Variants in KRT39 observed in about 807,000 individuals in gnomAD.
KRT39 encodes the protein keratin, type I cytoskeletal 39.
KRT39 carries 47 observed loss-of-function variants against 54.8 expected under a neutral mutation model. That is an observed-to-expected ratio of 0.86 (90% CI 0.68 to 1.09). The LOEUF (loss-of-function observed/expected upper bound fraction) is 1.09. Ranked by LOEUF, KRT39 falls within the 50% of genes least tolerant of loss-of-function variation. The pLI, the probability that KRT39 is intolerant of heterozygous loss-of-function variation, is 0.00. For synonymous variants in KRT39, 207 were observed against 227.9 expected, an observed-to-expected ratio of 0.91 and a Z score of 0.83; for missense variants, 580 against 598.5, an observed-to-expected ratio of 0.97 and a Z score of 0.32.
rs142154718 is a variant in KRT39, at chr17:40,966,600, C to T, written c.257G>A (p.Ser86Asn). 1,342 of 1,614,172 alleles carry T rather than the reference C, an allele frequency of 8.3e-4. 12 individuals carry two copies. In the African/African-American group the frequency reaches 0.016, roughly 19 times the overall value. The change falls in exon 1 of 7, where the codon AGC becomes AAC. Residue 86 changes from serine (S) to asparagine (N), a missense_variant. By Grantham distance (46) the Ser-to-Asn change is conservative. Transcript: ENST00000355612. ...FNARFSLDDC[S>N]WYGEGINSNE... ...ACTGTTGATGCCTTCACCATACCAG[C>T]TGCAGTCATCCAGAGAAAAACGGGC... is the stretch of plus-strand genomic sequence containing the variant.
chr17:40,958,870 A>AAAAC lies in KRT39; in HGVS notation c.1218-15_1218-12dup, dbSNP rs1911017568. 4 of 1,565,864 alleles carry AAAAC rather than the reference A, an allele frequency of 2.6e-6. No individual in the cohort carries two copies. Among genetic ancestry groups the AAAAC allele is most frequent in the Non-Finnish European group, 3.5e-6 (4 of 1,156,956 alleles). ...GGGTAACAGGGACGCCTAAGGAAAAAAAACACAATTTTAGCTGTGATTGAG... is the reference window on the plus strand; with the variant it reads ...GGGTAACAGGGACGCCTAAGGAAAAAAAACAAACACAATTTTAGCTGTGATTGAG... On this transcript the variant is annotated splice_polypyrimidine_tract_variant and intron_variant, in intron 6 of 6. Transcript: ENST00000355612.
Position 40,966,571 on chromosome 17 carries a change from C to T in KRT39, c.286G>A (p.Glu96Lys), listed in dbSNP as rs138920133. 1,276 of 1,614,174 alleles carry T rather than the reference C, an allele frequency of 7.9e-4. 3 individuals are homozygous for T. Among genetic ancestry groups the T allele is most frequent in the Non-Finnish European group, 9.1e-4 (1,070 of 1,180,020 alleles). The change falls in exon 1 of 7, where the codon GAG (glutamate) becomes AAG (lysine). Residue 96 changes from glutamate (E) to lysine (K), a missense_variant. By Grantham distance (56) the Glu-to-Lys change is moderately conservative. Transcript: ENST00000355612. ...TTCAAGATTTGCATGGTCTCCTTCT[C>T]ATTACTGTTGATGCCTTCACCATAC... Reference protein sequence around the residue: ...SWYGEGINSNEKETMQILNER... With the variant: ...SWYGEGINSNKKETMQILNER...
chr17:40,960,650 CA>C, intron 5 of KRT39, 149 bp from the exon 6 acceptor site: 1 of 629,228 alleles, frequency 1.6e-6, no homozygotes, highest in South Asian at 1.9e-5. Context: ...CAAATAAATC[CA>C]AAACCCAAAT....
intron 5 of KRT39, among the ~76,000 whole-genome samples, chr17:40,960,908 G>A (rs1458052091): frequency 1.3e-5 from 2 of 152,130 alleles, no homozygotes; most frequent in African/African-American, 2.4e-5. Context: ...CAGGTGGGTG[G>A]ATCACAAGGT....
In KRT39 at chr17:40,962,218, C is replaced by A. The variant is rs1911182260; in HGVS notation, c.940G>T (p.Glu314Ter). Residue 314 changes from glutamate to a stop codon, truncating the protein, a stop_gained, in exon 5 of 7, where the codon GAA becomes TAA. Coordinates refer to ENST00000355612, the MANE Select transcript of KRT39 (RefSeq NM_213656.4). LOFTEE classifies it high-confidence loss of function. ...QQQCCQKEIIELRRSVNTLEV... is the reference protein window; with the variant it reads ...QQQCCQKEII ...AGAGTGTTCACACTGCGTCTCAGTT[C>A]TATGATCTCCTTTTGGCAGCATTGC... The A allele has an allele frequency of 6.2e-7, 1 of 1,614,214 alleles. No homozygotes were observed. Among genetic ancestry groups the A allele is most frequent in the East Asian group, 2.2e-5 (1 of 44,882 alleles).
Position 40,960,831 on chromosome 17 carries a change from G to C in KRT39, c.997-330C>G, listed in dbSNP as rs1243208450. The C allele has an allele frequency of 1.4e-5, 5 of 345,274 alleles. No individual in the cohort carries two copies. The East Asian group carries it at 2.4e-4, about 17-fold the overall frequency. The allele number at this position is 345,274 out of a possible 1,614,324, so 21.4% of individuals were successfully genotyped here. The stretch of plus-strand genomic sequence containing the variant: ...AAATAATAACTTAATGCACACCCAG[G>C]CATTAAAAATGCATTACTGGCTGGG... On this transcript the variant is annotated intron_variant, in intron 5 of 6. Transcript: ENST00000355612.
intron 1 of KRT39, 28 bp from the exon 2 acceptor site, chr17:40,964,556 T>A: frequency 6.8e-7 from 1 of 1,460,954 alleles, no homozygotes; most frequent in Admixed American, 1.7e-5. Context: ...TACACACAAA[T>A]GAAGCAAACA....
At position 40,962,404 on chromosome 17, in the gene KRT39, G is replaced by A; in HGVS notation, c.868C>T (p.Gln290Ter). ...RKDVEQWFNT[Q>*]IEELNQQVVT... ...TTTGACTTTTCTATATCCCCCACCT[G>A]CGTGTTGAACCACTGTTCCACATCT... Residue 290 changes from glutamine (Q) to a stop codon, truncating the protein, a stop_gained and splice_region_variant, in exon 4 of 7, where the codon CAG becomes TAG. Coordinates refer to ENST00000355612, the MANE Select transcript of KRT39 (RefSeq NM_213656.4). LOFTEE classifies it high-confidence loss of function. The A allele has an allele frequency of 6.2e-7, 1 of 1,614,028 alleles. No homozygotes were observed.
At chr17:40,960,777 G>A (rs948744654) in intron 5 of KRT39, 17 of 519,580 alleles carry the variant, frequency 3.3e-5, no homozygotes, top group East Asian at 2.3e-4. Context: ...CAATAGTCTC[G>A]CACCACACTT....
chr17:40,960,636 T>C (rs1227230262), intron 5 of KRT39, 135 bp from the exon 6 acceptor site: 7 of 662,506 alleles, frequency 1.1e-5, no homozygotes, highest in African/African-American at 1.8e-5. Context: ...TATTGTTTCC[T>C]AATCAAATAA....
intron 6 of KRT39, among the ~76,000 whole-genome samples, chr17:40,959,709 C>A (rs1246357269): frequency 6.6e-6 from 1 of 152,168 alleles, no homozygotes; most frequent in African/African-American, 2.4e-5. Flanking sequence ...AGAACTCATC[C>A]TCCATATATG....
At chr17:40,966,276 T>C in intron 1 of KRT39, 113 bp downstream of exon 1, 1 of 812,166 alleles carries the variant, frequency 1.2e-6, no homozygotes, top group East Asian at 2.5e-5. Context: ...TTTTCTATTC[T>C]TCAAAAAAAT....
At chr17:40,961,850 A>T (rs568634070) in intron 5 of KRT39, among the ~76,000 whole-genome samples, 1 of 152,226 alleles carries the variant, frequency 6.6e-6, no homozygotes, top group Admixed American at 6.5e-5. Context: ...ATACCATGAG[A>T]TGTTCTAAAA....
At chr17:40,962,016 C>A (rs1239148559) in intron 5 of KRT39, 146 bp downstream of exon 5, 4 of 1,153,828 alleles carry the variant, frequency 3.5e-6, no homozygotes, top group African/African-American at 3.1e-5. Flanking sequence ...ACTTATTTGG[C>A]CACAAAGCTC....
At chr17:40,960,556 C>G in intron 5 of KRT39, 55 bp from the exon 6 acceptor site, 1 of 1,288,056 alleles carries the variant, frequency 7.8e-7, no homozygotes, top group Non-Finnish European at 1.1e-6. Context: ...CCCAGGTCAC[C>G]TGTGACCTGT....
chr17:40,962,236 AGCATTGCT>A lies in KRT39; in HGVS notation c.914_921del (p.Gln305LeufsTer18), dbSNP rs1427617157. The A allele has an allele frequency of 2.5e-6, 4 of 1,614,236 alleles. No homozygotes were observed. The highest frequency in any genetic ancestry group is 1.6e-4 in the Middle Eastern group (1 of 6,062). On this transcript the variant is annotated frameshift_variant, in exon 5 of 7. Transcript: ENST00000355612. LOFTEE classifies it high-confidence loss of function. ...CTCAGTTCTATGATCTCCTTTTGGC[AGCATTGCT>A]GCTGTTGAGAGCTGGTCACCACTTG... is the stretch of plus-strand genomic sequence containing the variant.
At chr17:40,964,164 A>T in intron 2 of KRT39, 1 of 458,938 alleles carries the variant, frequency 2.2e-6, no homozygotes, top group East Asian at 3.2e-5. Context: ...TAAGCCACAG[A>T]TTTCTCACCT....
intron 6 of KRT39, among the ~76,000 whole-genome samples, chr17:40,959,200 G>C (rs566943633): frequency 3.1e-4 from 47 of 152,122 alleles, no homozygotes; most frequent in Non-Finnish European, 5.6e-4. Flanking sequence ...GTCATTTAAC[G>C]CACTCAACCT....
chr17:40,964,033 C>G, intron 2 of KRT39: 1 of 431,010 alleles, frequency 2.3e-6, no homozygotes, highest in African/African-American at 2.0e-5. Context: ...TCCTCTGCCC[C>G]TAGTGGCAAT....
Sources: gnomAD v4.1 joint callset for allele counts (sites outside exome capture counted in the v4.1 genomes callset) on GRCh38, gnomAD v4.1.1 for gene constraint, MANE v1.5 for transcripts, NCBI Gene and HGNC (gene_info 2026-07-23, HGNC 2026-07-21) for gene names.